MOCS3: variants seen among roughly 807,000 people sequenced by gnomAD.
The protein encoded by MOCS3 is adenylyltransferase and sulfurtransferase MOCS3.
MOCS3 carries 9 observed loss-of-function variants against 8.4 expected under a neutral mutation model. That is an observed-to-expected ratio of 1.07 (90% confidence interval 0.65 to 1.87). MOCS3 has a LOEUF of 1.87. Among genes scored for constraint, MOCS3 ranks in the 40% most tolerant of loss-of-function variants. The pLI, the probability that MOCS3 is intolerant of heterozygous loss-of-function variation, is 0.00. For missense variants in MOCS3, 581 were observed against 599.7 expected (o/e 0.97, Z 0.33); for synonymous variants, 294 against 272.0 (o/e 1.08, Z -0.80).
In MOCS3 at chr20:50,958,902, A is replaced by C. The variant is rs1987000581; in HGVS notation, c.60A>C (p.Glu20Asp). Residue 20 changes from glutamate (E) to aspartate (D), a missense_variant, in exon 1 of 1, where the codon GAA (glutamate) becomes GAC (aspartate). Glu to Asp is a conservative substitution (Grantham distance 45). Transcript: ENST00000244051. ...LQAEVAQREE[E>D]LNSLKQKLAS... Reference sequence around the variant, plus strand: ...CTGAAGTTGCCCAACGTGAGGAGGAATTGAATTCGCTGAAGCAGAAGCTGG... The same window carrying C: ...CTGAAGTTGCCCAACGTGAGGAGGACTTGAATTCGCTGAAGCAGAAGCTGG... The C allele has an allele frequency of 3.1e-6, 5 of 1,606,010 alleles. No homozygotes were observed. The highest frequency in any genetic ancestry group is 3.4e-6 in the Non-Finnish European group (4 of 1,174,026).
rs1216793347 is a variant in MOCS3 at position 50,959,851 on chromosome 20, T to C, written c.1009T>C (p.Ser337Pro). 6.2e-7 allele frequency: 1 copy of C among 1,614,106 alleles called. No homozygotes were observed. The highest frequency in any genetic ancestry group is 8.5e-7 in the Non-Finnish European group (1 of 1,180,018). ...ACTACTGAGCCCAGAGGAGCGTGTT[T>C]CTGTCACCGACTATAAGCGACTGCT... ...LQLLSPEERV[S>P]VTDYKRLLDS... is the part of the protein sequence containing the mutation. Residue 337 changes from serine (S) to proline (P), a missense_variant, in exon 1 of 1, where the codon TCT (serine) becomes CCT (proline). Physicochemically the swap from Ser to Pro is moderately conservative, Grantham distance 74 (BLOSUM62 -1). Coordinates refer to ENST00000244051, the MANE Select transcript of MOCS3 (RefSeq NM_014484.5).
chr20:50,959,776 T>A lies in MOCS3; in HGVS notation c.934T>A (p.Tyr312Asn). The change falls in exon 1 of 1, where the codon TAT becomes AAT. Residue 312 changes from tyrosine (Y) to asparagine (N), a missense_variant. By Grantham distance (143) the Tyr-to-Asn change is moderately radical. Coordinates refer to ENST00000244051, the MANE Select transcript of MOCS3 (RefSeq NM_014484.5). Reference sequence around the variant, plus strand: ...GCCCACTGTGACTGATCTGCTGGACTATGAAGCCTTCTGTGGCTCCTCAGC... The same window carrying A: ...GCCCACTGTGACTGATCTGCTGGACAATGAAGCCTTCTGTGGCTCCTCAGC... ...ERPTVTDLLD[Y>N]EAFCGSSATD... 1.2e-6 allele frequency: 2 copies of A among 1,614,258 alleles called. No homozygotes were observed. The highest frequency in any genetic ancestry group is 1.7e-6 in the Non-Finnish European group (2 of 1,180,038).
chr20:50,961,144 C>CTTATGTT lies in MOCS3; in HGVS notation c.*920_*926dup, dbSNP rs1987096199. The stretch of plus-strand genomic sequence containing the variant: ...TCTTAAAGTTAACTTCAGGGTCCAC[C>CTTATGTT]TTATGTTGCACACATATCACATCGT... On this transcript the variant is annotated 3_prime_UTR_variant, in exon 1 of 1. Coordinates refer to ENST00000244051, the MANE Select transcript of MOCS3 (RefSeq NM_014484.5). 1 of 167,096 alleles carries CTTATGTT rather than the reference C, an allele frequency of 6.0e-6. No homozygotes were observed. The highest frequency in any genetic ancestry group is 6.5e-5 in the Admixed American group (1 of 15,286). The allele number at this position is 167,096 out of a possible 1,614,324, so 10.4% of individuals were successfully genotyped here. A position where few individuals can be genotyped will look rare whatever the true frequency, so the allele number is the denominator to read the frequency against.
chr20:50,960,106 G>T lies in MOCS3; in HGVS notation c.1264G>T (p.Val422Leu). The T allele has an allele frequency of 6.2e-7, 1 of 1,614,246 alleles. No individual in the cohort carries two copies. The highest frequency in any genetic ancestry group is 8.5e-7 in the Non-Finnish European group (1 of 1,180,046). Residue 422 changes from valine (V) to leucine (L), a missense_variant, in exon 1 of 1, where the codon GTG becomes TTG. Transcript: ENST00000244051. ...ACTGGGAAATGACTCACAGAAAGCCGTGAAGATCCTCCAGTCCTTATCAGC... is the reference window on the plus strand; with the variant it reads ...ACTGGGAAATGACTCACAGAAAGCCTTGAAGATCCTCCAGTCCTTATCAGC... Reference protein sequence around the residue: ...CKLGNDSQKAVKILQSLSAAQ... With the variant: ...CKLGNDSQKALKILQSLSAAQ...
rs1601070585 is a variant in MOCS3 at position 50,961,813 on chromosome 20, C to A, written c.*1588C>A. The stretch of plus-strand genomic sequence containing the variant: ...TGAAGCAGGTCTCTTATGACTGTTC[C>A]TGCCAACGAGTTATGGAGGTAAATG... On this transcript the variant is annotated 3_prime_UTR_variant, in exon 1 of 1. Coordinates refer to ENST00000244051, the MANE Select transcript of MOCS3 (RefSeq NM_014484.5). 1 of 152,256 alleles carries A rather than the reference C, an allele frequency of 6.6e-6. No homozygotes were observed. The highest frequency in any genetic ancestry group is 1.9e-4 in the East Asian group (1 of 5,186). The allele number at this position is 152,256 out of a possible 1,614,324, so 9.4% of individuals were successfully genotyped here. A position where few individuals can be genotyped will look rare whatever the true frequency, so the allele number is the denominator to read the frequency against.
Position 50,960,038 on chromosome 20 carries a change from G to A in MOCS3, c.1196G>A (p.Gly399Asp), listed in dbSNP as rs746166793. 1.2e-6 allele frequency: 2 copies of A among 1,614,254 alleles called. No individual in the cohort carries two copies. Among genetic ancestry groups the A allele is most frequent in the Admixed American group, 1.7e-5 (1 of 60,036 alleles). ...LKEAIWEEKQ[G>D]TQEGAAVPIY... ...GAAGCAATCTGGGAAGAGAAGCAGGGCACACAAGAAGGGGCTGCTGTCCCC... is the reference window on the plus strand; with the variant it reads ...GAAGCAATCTGGGAAGAGAAGCAGGACACACAAGAAGGGGCTGCTGTCCCC... The change falls in exon 1 of 1, where the codon GGC (glycine) becomes GAC (aspartate). Residue 399 changes from glycine (G) to aspartate (D), a missense_variant. By Grantham distance (94) the Gly-to-Asp change is moderately conservative (BLOSUM62 -1). Transcript: ENST00000244051.
Position 50,960,513 on chromosome 20 carries a change from C to G in MOCS3, c.*288C>G. ...GGATTTTGCATTTTAAACTGCAGAT[C>G]ATTTACATGTCCTTATTTTCCACCT... On this transcript the variant is annotated 3_prime_UTR_variant, in exon 1 of 1. Coordinates refer to ENST00000244051, the MANE Select transcript of MOCS3 (RefSeq NM_014484.5). 1 of 303,188 alleles carries G rather than the reference C, an allele frequency of 3.3e-6. No homozygotes were observed. Among genetic ancestry groups the G allele is most frequent in the Non-Finnish European group, 6.5e-6 (1 of 154,180 alleles). 18.8% of individuals were successfully genotyped at this position (303,188 alleles called of 1,614,324 possible). A position where few individuals can be genotyped will look rare whatever the true frequency, so the allele number is the denominator to read the frequency against.
rs1987062595 is a variant in MOCS3 at position 50,960,015 on chromosome 20, A to G, written c.1173A>G (p.Glu391=). 1 of 1,614,274 alleles carries G rather than the reference A, an allele frequency of 6.2e-7. No individual in the cohort carries two copies. Among genetic ancestry groups the G allele is most frequent in the Non-Finnish European group, 8.5e-7 (1 of 1,180,058 alleles). Residue 391 remains glutamate (E), a synonymous_variant, in exon 1 of 1, where the codon GAA becomes GAG. Transcript: ENST00000244051. Reference sequence around the variant, plus strand: ...CGGAGAGCCTGAAACTCTTAAAAGAAGCAATCTGGGAAGAGAAGCAGGGCA... The same window carrying G: ...CGGAGAGCCTGAAACTCTTAAAAGAGGCAATCTGGGAAGAGAAGCAGGGCA... ...RDAESLKLLK[E]AIWEEKQGTQ... is the part of the protein sequence containing the mutation.
At position 50,959,370 on chromosome 20, in the gene MOCS3, G is replaced by C. The variant is rs1307803029; in HGVS notation, c.528G>C (p.Val176=). 1.2e-6 allele frequency: 2 copies of C among 1,612,178 alleles called. No individual in the cohort carries two copies. The highest frequency in any genetic ancestry group is 2.7e-5 in the African/African-American group (2 of 74,922). The part of the protein sequence containing the change: ...ALDLVRRYDV[V]ADCSDNVPTR... ...ACCTGGTCCGCCGATATGATGTGGT[G>C]GCTGACTGCTCGGACAACGTGCCCA... Residue 176 remains valine, a synonymous_variant, in exon 1 of 1, where the codon GTG becomes GTC. Coordinates refer to ENST00000244051, the MANE Select transcript of MOCS3 (RefSeq NM_014484.5).
rs150600463 is a variant in MOCS3 at position 50,959,437 on chromosome 20, C to A, written c.595C>A (p.Pro199Thr). ...VNDACVLAGR[P>T]LVSASALRFE... ...TGACGCATGTGTGCTGGCGGGTCGGCCCCTCGTGTCTGCCAGTGCCTTGCG... is the reference window on the plus strand; with the variant it reads ...TGACGCATGTGTGCTGGCGGGTCGGACCCTCGTGTCTGCCAGTGCCTTGCG... Residue 199 changes from proline to threonine, a missense_variant, in exon 1 of 1, where the codon CCC becomes ACC. Coordinates refer to ENST00000244051, the MANE Select transcript of MOCS3 (RefSeq NM_014484.5). The A allele has an allele frequency of 6.2e-7, 1 of 1,613,836 alleles. No homozygotes were observed. Among genetic ancestry groups the A allele is most frequent in the African/African-American group, 1.3e-5 (1 of 74,954 alleles).
rs749317119 is a variant in MOCS3 at position 50,960,175 on chromosome 20, G to A, written c.1333G>A (p.Gly445Ser). The change falls in exon 1 of 1, where the codon GGC becomes AGC. Residue 445 changes from glycine (G) to serine (S), a missense_variant. Transcript: ENST00000244051. Reference protein sequence around the residue: ...DPLTVRDVVGGLMAWAAKIDG... With the variant: ...DPLTVRDVVGSLMAWAAKIDG... ...TTTAACAGTTCGGGATGTTGTGGGG[G>A]GCCTCATGGCCTGGGCTGCCAAAAT... 2.5e-6 allele frequency: 4 copies of A among 1,614,076 alleles called. No individual in the cohort carries two copies. In the East Asian group the frequency reaches 8.9e-5, roughly 36 times the overall value.
Position 50,958,920 on chromosome 20 carries a change from GA to G in MOCS3, c.80del (p.Lys27SerfsTer41). The G allele has an allele frequency of 6.2e-7, 1 of 1,609,836 alleles. No homozygotes were observed. Among genetic ancestry groups the G allele is most frequent in the Non-Finnish European group, 8.5e-7 (1 of 1,177,066 alleles). On this transcript the variant is annotated frameshift_variant, in exon 1 of 1. Coordinates refer to ENST00000244051, the MANE Select transcript of MOCS3 (RefSeq NM_014484.5). LOFTEE classifies it low-confidence loss of function (END_TRUNC). Reference sequence around the variant, plus strand: ...AGGAGGAATTGAATTCGCTGAAGCAGAAGCTGGCGTCGGCTCTTTTGGCTGA... The same window carrying G: ...AGGAGGAATTGAATTCGCTGAAGCAGAGCTGGCGTCGGCTCTTTTGGCTGA... The part of the protein sequence containing the change: ...REEELNSLKQ[K>X]LASALLAEQE...
At position 50,959,235 on chromosome 20, in the gene MOCS3, A is replaced by G; in HGVS notation, c.393A>G (p.Ala131=). 1 of 1,610,796 alleles carries G rather than the reference A, an allele frequency of 6.2e-7. No homozygotes were observed. ...NLARQVLHGE[A]LAGQAKAFSA... is the part of the protein sequence containing the mutation. ...CCCGCCAAGTGCTGCATGGCGAGGC[A>G]CTGGCTGGCCAGGCCAAGGCCTTTT... Residue 131 remains alanine, a synonymous_variant, in exon 1 of 1, where the codon GCA becomes GCG. Coordinates refer to ENST00000244051, the MANE Select transcript of MOCS3 (RefSeq NM_014484.5).
chr20:50,959,344 G>A lies in MOCS3; in HGVS notation c.502G>A (p.Asp168Asn). The A allele has an allele frequency of 6.2e-7, 1 of 1,611,072 alleles. No homozygotes were observed. ...GGCCCTTACGCCAGCCACTGCCCTA[G>A]ACCTGGTCCGCCGATATGATGTGGT... ...TQALTPATAL[D>N]LVRRYDVVAD... Residue 168 changes from aspartate to asparagine, a missense_variant, in exon 1 of 1, where the codon GAC becomes AAC. Coordinates refer to ENST00000244051, the MANE Select transcript of MOCS3 (RefSeq NM_014484.5).
In MOCS3 at chr20:50,958,838, T is replaced by A. The variant is rs1986996563; in HGVS notation, c.-5T>A. ...CTTTCACGACAACTTCCGGAAGAGGTCGCCATGGCTTCCCGGGAGGAGGTA... is the reference window on the plus strand; with the variant it reads ...CTTTCACGACAACTTCCGGAAGAGGACGCCATGGCTTCCCGGGAGGAGGTA... On this transcript the variant is annotated 5_prime_UTR_variant, in exon 1 of 1. Transcript: ENST00000244051. The A allele has an allele frequency of 1.3e-6, 2 of 1,579,672 alleles. No homozygotes were observed. Among genetic ancestry groups the A allele is most frequent in the African/African-American group, 2.7e-5 (2 of 73,796 alleles).
At position 50,958,828 on chromosome 20, in the gene MOCS3, CCGGAAGAGGTCG is replaced by C. The variant is rs1285862892; in HGVS notation, c.-13_-2del. 1.9e-5 allele frequency: 30 copies of C among 1,577,322 alleles called. No homozygotes were observed. Among genetic ancestry groups the C allele is most frequent in the Non-Finnish European group, 2.5e-5 (29 of 1,157,444 alleles). ...GCGGAAATGCCTTTCACGACAACTT[CCGGAAGAGGTCG>C]CCATGGCTTCCCGGGAGGAGGTACT... On this transcript the variant is annotated 5_prime_UTR_variant, in exon 1 of 1. Coordinates refer to ENST00000244051, the MANE Select transcript of MOCS3 (RefSeq NM_014484.5).
In MOCS3 at chr20:50,958,836, G is replaced by C. The variant is rs934981513; in HGVS notation, c.-7G>C. On this transcript the variant is annotated 5_prime_UTR_variant, in exon 1 of 1. Coordinates refer to ENST00000244051, the MANE Select transcript of MOCS3 (RefSeq NM_014484.5). ...GCCTTTCACGACAACTTCCGGAAGA[G>C]GTCGCCATGGCTTCCCGGGAGGAGG... The C allele has an allele frequency of 4.4e-6, 7 of 1,581,796 alleles. No homozygotes were observed. In the African/African-American group the frequency reaches 9.5e-5, roughly 21 times the overall value.
rs1336322466 is a variant in MOCS3, at chr20:50,959,328, G to T, written c.486G>T (p.Thr162=). 4 of 1,609,756 alleles carry T rather than the reference G, an allele frequency of 2.5e-6. No individual in the cohort carries two copies. The highest frequency in any genetic ancestry group is 1.7e-5 in the Admixed American group (1 of 59,956). Residue 162 remains threonine, a synonymous_variant, in exon 1 of 1, where the codon ACG becomes ACT. Coordinates refer to ENST00000244051, the MANE Select transcript of MOCS3 (RefSeq NM_014484.5). ...VECVPYTQAL[T]PATALDLVRR... is the part of the protein sequence containing the mutation. ...GCGTGCCGTACACTCAGGCCCTTAC[G>T]CCAGCCACTGCCCTAGACCTGGTCC... is the stretch of plus-strand genomic sequence containing the variant.
chr20:50,960,537 C>T lies in MOCS3; in HGVS notation c.*312C>T, dbSNP rs1255670980. The T allele has an allele frequency of 3.9e-6, 1 of 256,748 alleles. No homozygotes were observed. The highest frequency in any genetic ancestry group is 8.0e-6 in the Non-Finnish European group (1 of 125,260). 15.9% of individuals were successfully genotyped at this position (256,748 alleles called of 1,614,324 possible). On this transcript the variant is annotated 3_prime_UTR_variant, in exon 1 of 1. Coordinates refer to ENST00000244051, the MANE Select transcript of MOCS3 (RefSeq NM_014484.5). Reference sequence around the variant, plus strand: ...TCATTTACATGTCCTTATTTTCCACCTCCCCCAGTCAAAATGCTTTCTAAA... The same window carrying T: ...TCATTTACATGTCCTTATTTTCCACTTCCCCCAGTCAAAATGCTTTCTAAA...
Sources: allele counts gnomAD v4.1 joint callset, GRCh38; gene constraint gnomAD v4.1.1; transcripts MANE v1.5; gene names NCBI Gene and HGNC (gene_info 2026-07-23, HGNC 2026-07-21).